Variants in COL13A1 observed in about 807,000 individuals in gnomAD.
COL13A1 encodes the protein collagen type XIII alpha 1 chain.
COL13A1 carries 89 observed loss-of-function variants against 130.9 expected under a neutral mutation model. That is an observed-to-expected ratio of 0.68 (90% CI 0.57 to 0.81). The LOEUF (loss-of-function observed/expected upper bound fraction) is 0.81, where lower values mean the gene tolerates loss of function less well. Ranked by LOEUF, COL13A1 falls within the 30% of genes least tolerant of loss-of-function variation. COL13A1 has a pLI of 0.00. For missense variants in COL13A1, 879 were observed against 934.6 expected (o/e 0.94, Z 0.78); for synonymous variants, 402 against 341.6 (o/e 1.18, Z -1.95).
At chr10:69,939,612 A>G (rs2067365164) in intron 34 of COL13A1, among the ~76,000 whole-genome samples, 1 of 152,106 alleles carries the variant, frequency 6.6e-6, no homozygotes, top group Non-Finnish European at 1.5e-5. Flanking sequence ...GTGTTCCCCC[A>G]TTTGCCCTGC....
At chr10:69,818,758 CA>C (rs1048334008) in intron 1 of COL13A1, among the ~76,000 whole-genome samples, 2 of 152,222 alleles carry the variant, frequency 1.3e-5, no homozygotes, top group African/African-American at 2.4e-5. Flanking sequence ...GCAGAGAGAG[CA>C]GAGTCTCCCT....
intron 2 of COL13A1, among the ~76,000 whole-genome samples, chr10:69,843,901 T>C (rs911226177): frequency 1.3e-5 from 2 of 152,200 alleles, no homozygotes; most frequent in Admixed American, 6.5e-5. Context: ...TACGAAGGTG[T>C]TGAACATCTG....
chr10:69,918,941 T>G lies in COL13A1; in HGVS notation c.1000-121T>G. ...TGCCTGAACAGAGAAGAGCCGGGGC[T>G]GGCCAGATGTTTCACTAACCCCACC... On this transcript the variant is annotated intron_variant, in intron 19 of 40. Transcript: ENST00000645393. 5.3e-6 allele frequency: 6 copies of G among 1,135,866 alleles called. No individual in the cohort carries two copies. In the South Asian group the frequency reaches 8.0e-5, roughly 15 times the overall value. The allele number at this position is 1,135,866 out of a possible 1,614,324, so 70.4% of individuals were successfully genotyped here. A position where few individuals can be genotyped will look rare whatever the true frequency, so the allele number is the denominator to read the frequency against.
At chr10:69,865,762 C>G (rs1253157121) in intron 2 of COL13A1, among the ~76,000 whole-genome samples, 1 of 152,140 alleles carries the variant, frequency 6.6e-6, no homozygotes, top group African/African-American at 2.4e-5. Context: ...GGGCTGGAGG[C>G]TGACCATAAC....
chr10:69,932,402 T>A (rs543498114), intron 30 of COL13A1, among the ~76,000 whole-genome samples, 158 bp from the exon 31 acceptor site: 2 of 152,250 alleles, frequency 1.3e-5, no homozygotes, highest in South Asian at 4.1e-4. Flanking sequence ...AGCCTCAGAT[T>A]CTGTCCTGCA....
intron 7 of COL13A1, among the ~76,000 whole-genome samples, chr10:69,883,168 C>A (rs780964302): frequency 6.6e-6 from 1 of 152,188 alleles, no homozygotes; most frequent in Non-Finnish European, 1.5e-5. Context: ...GGTTCACTTT[C>A]TAATGAAGTG....
At chr10:69,923,069 G>A (rs1218894214) in intron 23 of COL13A1, among the ~76,000 whole-genome samples, 6 of 152,186 alleles carry the variant, frequency 3.9e-5, no homozygotes, top group Non-Finnish European at 5.9e-5. Flanking sequence ...GAGTCAGGGC[G>A]CAATGGCTGC....
At chr10:69,903,967 G>A (rs1261966154) in intron 15 of COL13A1, among the ~76,000 whole-genome samples, 4 of 152,240 alleles carry the variant, frequency 2.6e-5, no homozygotes, top group East Asian at 3.9e-4. Context: ...AGCTATGGCC[G>A]AACACAGCAT....
At chr10:69,833,900 C>T (rs1156465848) in intron 2 of COL13A1, among the ~76,000 whole-genome samples, 1 of 152,012 alleles carries the variant, frequency 6.6e-6, no homozygotes, top group East Asian at 1.9e-4. Flanking sequence ...GGGAGTTGGA[C>T]ACCACCCTGA....
intron 2 of COL13A1, among the ~76,000 whole-genome samples, chr10:69,859,940 G>A (rs2133802732): frequency 6.6e-6 from 1 of 152,352 alleles, no homozygotes; most frequent in Non-Finnish European, 1.5e-5. Flanking sequence ...ACAAAGCCCT[G>A]AGAAGGAAGA....
intron 35 of COL13A1, among the ~76,000 whole-genome samples, chr10:69,942,973 G>A (rs10999033): frequency 0.034 from 5,179 of 152,228 alleles, 147 homozygotes; most frequent in South Asian, 0.099. Flanking sequence ...TCAGCCTCCC[G>A]AGTAGCTGGG....
At chr10:69,811,446 A>C (rs1256746892) in intron 1 of COL13A1, among the ~76,000 whole-genome samples, 1 of 152,176 alleles carries the variant, frequency 6.6e-6, no homozygotes, top group Non-Finnish European at 1.5e-5. Context: ...CGGGACAGGG[A>C]TGAAGAAAGG....
intron 35 of COL13A1, 135 bp downstream of exon 35, chr10:69,941,158 C>A (rs977144456): frequency 2.8e-6 from 4 of 1,444,348 alleles, no homozygotes; most frequent in Non-Finnish European, 3.8e-6. Context: ...CAGAAAGGTG[C>A]CACTGATGCT....
intron 7 of COL13A1, among the ~76,000 whole-genome samples, chr10:69,887,100 A>T (rs1455764283): frequency 6.6e-6 from 1 of 152,212 alleles, no homozygotes; most frequent in Admixed American, 6.5e-5. Flanking sequence ...GCCGTCCAGG[A>T]GTTCCATGTG....
intron 2 of COL13A1, among the ~76,000 whole-genome samples, chr10:69,831,911 G>C (rs548198560): frequency 1.3e-5 from 2 of 152,316 alleles, no homozygotes; most frequent in Admixed American, 1.3e-4. Context: ...GGGAATGACA[G>C]CACCTACCTT....
intron 1 of COL13A1, among the ~76,000 whole-genome samples, chr10:69,813,889 CG>C (rs1314418415): frequency 5.9e-5 from 9 of 152,180 alleles, no homozygotes; most frequent in Admixed American, 5.9e-4. Flanking sequence ...TACCTCCTCA[CG>C]GAAATGCCCT....
chr10:69,935,238 C>T, intron 31 of COL13A1, 112 bp from the exon 32 acceptor site: 1 of 895,956 alleles, frequency 1.1e-6, no homozygotes, highest in Non-Finnish European at 1.8e-6. Context: ...ACTGGCTGAC[C>T]TCCAGTGGGC....
At chr10:69,927,823 C>T (rs1263261178) in intron 27 of COL13A1, among the ~76,000 whole-genome samples, 1 of 152,148 alleles carries the variant, frequency 6.6e-6, no homozygotes, top group African/African-American at 2.4e-5. Context: ...TTGCTATCAA[C>T]GACATGGTTC....
intron 28 of COL13A1, 22 bp from the exon 29 acceptor site, chr10:69,930,021 C>T: frequency 6.2e-7 from 1 of 1,613,088 alleles, no homozygotes; most frequent in Non-Finnish European, 8.5e-7. Context: ...CTGAGAGTCA[C>T]CTTTAGTTGT....
Sources: gnomAD v4.1 joint callset for allele counts (sites outside exome capture counted in the v4.1 genomes callset) on GRCh38, gnomAD v4.1.1 for gene constraint, MANE v1.5 for transcripts, NCBI Gene and HGNC (gene_info 2026-07-23, HGNC 2026-07-21) for gene names.